The following HPSE2 variants were observed in gnomAD, a reference collection of about 807,000 sequenced individuals.
The protein encoded by HPSE2 is inactive heparanase-2.
In HPSE2, 38 loss-of-function variants were observed where a neutral mutation model predicts 60.5. That is an observed-to-expected ratio of 0.63 (90% confidence interval 0.48 to 0.82). HPSE2 has a LOEUF of 0.82. Among genes scored for constraint, HPSE2 ranks in the 40% least tolerant of loss-of-function variants. The pLI, the probability that HPSE2 is intolerant of heterozygous loss-of-function variation, is 0.00. For synonymous variants in HPSE2, 295 were observed against 293.2 expected (o/e 1.01, Z -0.06); for missense variants, 713 against 740.4 (o/e 0.96, Z 0.43).
intron 7 of HPSE2, among the ~76,000 whole-genome samples, chr10:98,627,593 T>A (rs1249216092): frequency 6.6e-6 from 1 of 152,244 alleles, no homozygotes; most frequent in Non-Finnish European, 1.5e-5. Context: ...ACTTACTGCA[T>A]GACTTTGAAT....
chr10:98,687,589 T>A (rs946745734), intron 6 of HPSE2, among the ~76,000 whole-genome samples: 2 of 152,212 alleles, frequency 1.3e-5, no homozygotes, highest in Non-Finnish European at 2.9e-5. Context: ...GAGATTAGAA[T>A]GCAGATATCT....
At chr10:98,544,712 C>CAAA (rs58604325) in intron 9 of HPSE2, among the ~76,000 whole-genome samples, 1 of 71,022 alleles carries the variant, frequency 1.4e-5, no homozygotes, top group Non-Finnish European at 2.4e-5. Context: ...GACTCCGTCT[C>CAAA]AAAAAAAAAA....
chr10:99,186,104 CCA>C (rs527839752), intron 2 of HPSE2, among the ~76,000 whole-genome samples: 4,628 of 80,584 alleles, frequency 0.057, 106 homozygotes, highest in East Asian at 0.13. Flanking sequence ...GGATAAATAA[CCA>C]CACACACACA....
At chr10:99,109,797 G>A (rs1382827791) in intron 3 of HPSE2, among the ~76,000 whole-genome samples, 1 of 152,030 alleles carries the variant, frequency 6.6e-6, no homozygotes, top group Non-Finnish European at 1.5e-5. Flanking sequence ...AGATATTATG[G>A]AGTTATCACA....
intron 3 of HPSE2, among the ~76,000 whole-genome samples, chr10:98,820,953 C>T (rs1355229113): frequency 6.6e-6 from 1 of 152,176 alleles, no homozygotes; most frequent in Non-Finnish European, 1.5e-5. Context: ...GTTGATTTCT[C>T]ACATTCTTTC....
At chr10:99,001,798 C>T (rs912619636) in intron 3 of HPSE2, among the ~76,000 whole-genome samples, 1 of 151,852 alleles carries the variant, frequency 6.6e-6, no homozygotes, top group Non-Finnish European at 1.5e-5. Context: ...TCTTAAAATC[C>T]TAGAAATTAT....
intron 3 of HPSE2, among the ~76,000 whole-genome samples, chr10:99,070,884 A>T (rs539810803): frequency 6.6e-6 from 1 of 152,068 alleles, no homozygotes; most frequent in African/African-American, 2.4e-5. Context: ...CATGTTTACT[A>T]CATATTCTTT....
chr10:99,275,850 T>G, the HPSE2 span, among the ~76,000 whole-genome samples: 1 of 152,002 alleles, frequency 6.6e-6, no homozygotes, highest in Non-Finnish European at 1.5e-5. Flanking sequence ...CATGGGACTG[T>G]AAGAGAACCC....
chr10:98,749,470 TATAC>T (rs1949704445), intron 3 of HPSE2, among the ~76,000 whole-genome samples: 1 of 151,242 alleles, frequency 6.6e-6, no homozygotes, highest in Non-Finnish European at 1.5e-5. Flanking sequence ...TATATACATA[TATAC>T]ATGCATGTAT....
intron 2 of HPSE2, among the ~76,000 whole-genome samples, chr10:99,200,991 GC>G (rs1848558780): frequency 1.3e-5 from 2 of 152,164 alleles, no homozygotes; most frequent in Non-Finnish European, 2.9e-5. Flanking sequence ...GAGGACTCAG[GC>G]AAAAAGAATA....
At chr10:98,971,296 A>G (rs1400739448) in intron 3 of HPSE2, among the ~76,000 whole-genome samples, 1 of 152,166 alleles carries the variant, frequency 6.6e-6, no homozygotes, top group Admixed American at 6.5e-5. Context: ...TTGTTATGAC[A>G]TTGTTAACAT....
chr10:98,566,646 A>G (rs1467606488), intron 9 of HPSE2, among the ~76,000 whole-genome samples: 1 of 152,214 alleles, frequency 6.6e-6, no homozygotes, highest in Non-Finnish European at 1.5e-5. Flanking sequence ...ACATCAGGCC[A>G]TCAGTAACCT....
chr10:99,079,357 C>T (rs772272102), intron 3 of HPSE2, among the ~76,000 whole-genome samples: 3 of 152,130 alleles, frequency 2.0e-5, no homozygotes, highest in Non-Finnish European at 4.4e-5. Flanking sequence ...ACCTCCACCT[C>T]GGTTCTCACT....
chr10:98,821,121 T>C (rs1419258735), intron 3 of HPSE2, among the ~76,000 whole-genome samples: 2 of 152,192 alleles, frequency 1.3e-5, no homozygotes, highest in Non-Finnish European at 2.9e-5. Flanking sequence ...TGACACATCA[T>C]AAATGACAGA....
chr10:98,950,479 T>A (rs548412258), intron 3 of HPSE2, among the ~76,000 whole-genome samples: 2 of 152,278 alleles, frequency 1.3e-5, no homozygotes, highest in African/African-American at 4.8e-5. Flanking sequence ...AAATGTTTGT[T>A]GAATGATTAA....
intron 9 of HPSE2, among the ~76,000 whole-genome samples, chr10:98,525,241 C>T (rs1436690984): frequency 6.6e-6 from 1 of 152,194 alleles, no homozygotes; most frequent in Non-Finnish European, 1.5e-5. Flanking sequence ...GAACTCCTGA[C>T]CTCAGGAAAT....
intron 3 of HPSE2, among the ~76,000 whole-genome samples, chr10:99,088,395 G>C (rs932854830): frequency 6.6e-6 from 1 of 152,014 alleles, no homozygotes; most frequent in Non-Finnish European, 1.5e-5. Flanking sequence ...AAAGTCCATT[G>C]TATCATTCTT....
chr10:99,187,927 G>A (rs1312080168), intron 2 of HPSE2, among the ~76,000 whole-genome samples: 1 of 152,156 alleles, frequency 6.6e-6, no homozygotes. Flanking sequence ...TCCATGAAAA[G>A]ATATAAATCT....
chr10:99,043,338 G>C (rs1957784676), intron 3 of HPSE2, among the ~76,000 whole-genome samples: 2 of 152,206 alleles, frequency 1.3e-5, no homozygotes, highest in Admixed American at 1.3e-4. Flanking sequence ...CAAAAAATTA[G>C]CTGGGCGTGG....
Sources: gnomAD v4.1 joint callset for allele counts (sites outside exome capture counted in the v4.1 genomes callset) on GRCh38, gnomAD v4.1.1 for gene constraint, MANE v1.5 for transcripts, NCBI Gene and HGNC (gene_info 2026-07-23, HGNC 2026-07-21) for gene names.